The following ANKRD36C variants were observed in gnomAD, a reference collection of about 807,000 sequenced individuals.
ANKRD36C encodes ankyrin repeat domain 36C, also known as ankyrin repeat domain-containing protein 36C.
A neutral mutation model predicts 276.4 loss-of-function variants in ANKRD36C; 61 were observed. That is an observed-to-expected ratio of 0.22 (90% confidence interval 0.18 to 0.27). The LOEUF (loss-of-function observed/expected upper bound fraction) is 0.27, where lower values mean the gene tolerates loss of function less well. Ranked by LOEUF, ANKRD36C falls within the 10% of genes least tolerant of loss-of-function variation. The pLI, the probability that ANKRD36C is intolerant of heterozygous loss-of-function variation, is 1.00. For synonymous variants in ANKRD36C, 483 were observed against 680.1 expected (o/e 0.71, Z 4.51); for missense variants, 1,447 against 2,032.3 (o/e 0.71, Z 5.54).
At chr2:95,915,090 T>G (rs1030997739) in intron 38 of ANKRD36C, among the ~76,000 whole-genome samples, 5 of 151,582 alleles carry the variant, frequency 3.3e-5, no homozygotes, top group African/African-American at 1.2e-4. Flanking sequence ...ATCATTCCAG[T>G]ATTCATTGAA....
chr2:95,986,194 T>C (rs1679022939), intron 3 of ANKRD36C, among the ~76,000 whole-genome samples: 1 of 151,980 alleles, frequency 6.6e-6, no homozygotes, highest in African/African-American at 2.4e-5. Context: ...CACAGTATTT[T>C]CCCTCATTAC....
intron 59 of ANKRD36C, 45 bp downstream of exon 79, chr2:95,876,394 G>A (rs1474107569): frequency 6.8e-7 from 1 of 1,467,694 alleles, no homozygotes; most frequent in East Asian, 2.4e-5. Flanking sequence ...CCAAAGCTAG[G>A]AAAACAAGAT....
Position 95,990,608 on chromosome 2 carries a change from C to T in ANKRD36C, c.197+904G>A, listed in dbSNP as rs184285554. Among the ~76,000 whole-genome samples the T allele has an allele frequency of 2.6e-5, 4 of 152,290 alleles. No individual in the cohort carries two copies. The East Asian group carries it at 7.7e-4, about 29-fold the overall frequency. Reference sequence around the variant, plus strand: ...TTCAAAAATATTAACACTTTGATAACTTTATTTGGATTATGTAAAATTTAT... The same window carrying T: ...TTCAAAAATATTAACACTTTGATAATTTTATTTGGATTATGTAAAATTTAT... On this transcript the variant is annotated intron_variant, in intron 1 of 66. Transcript: ENST00000456556.
intron 59 of ANKRD36C, among the ~76,000 whole-genome samples, chr2:95,873,107 C>A (rs1441385825): frequency 3.3e-5 from 5 of 152,136 alleles, no homozygotes; most frequent in Non-Finnish European, 7.4e-5. Flanking sequence ...AAGTGATACC[C>A]TTCCTTCTGA....
At chr2:95,977,898 A>G (rs1678845917) in intron 6 of ANKRD36C, among the ~76,000 whole-genome samples, 7 of 152,080 alleles carry the variant, frequency 4.6e-5, no homozygotes, top group Admixed American at 4.6e-4. Flanking sequence ...CTAGAATATT[A>G]GGAACCATAA....
rs1304496746 is a variant in ANKRD36C at position 95,893,454 on chromosome 2, C to T, written c.2756-1594G>A. The T allele has an allele frequency of 6.1e-5, 92 of 1,517,042 alleles. 1 individual carries two copies. Among genetic ancestry groups the T allele is most frequent in the Non-Finnish European group, 8.0e-5 (90 of 1,127,690 alleles). The allele number at this position is 1,517,042 out of a possible 1,614,324, so 94.0% of individuals were successfully genotyped here. A position where few individuals can be genotyped will look rare whatever the true frequency, so the allele number is the denominator to read the frequency against. On this transcript the variant is annotated intron_variant, in intron 44 of 66. Transcript: ENST00000456556. ...ATCAGAAAGTGCAGCTTCGACGAGC[C>T]CCCCGCTGATTTATTTGGGGAAGGG...
At position 95,897,524 on chromosome 2, in the gene ANKRD36C, T is replaced by C. The variant is rs572477627; in HGVS notation, c.2755+1621A>G. 2.0e-4 allele frequency: 300 copies of C among 1,512,594 alleles called. 12 individuals carry two copies. Among genetic ancestry groups the C allele is most frequent in the South Asian group, 1.1e-3 (95 of 82,974 alleles). 93.7% of individuals were successfully genotyped at this position (1,512,594 alleles called of 1,614,324 possible). A position where few individuals can be genotyped will look rare whatever the true frequency, so the allele number is the denominator to read the frequency against. On this transcript the variant is annotated intron_variant, in intron 44 of 66. Coordinates refer to ENST00000456556, the Ensembl canonical transcript of ANKRD36C. ...TGTAAAAATGACAAAATTATCCACATATTCATGCAGTGTTAGCATCAACCT... is the reference window on the plus strand; with the variant it reads ...TGTAAAAATGACAAAATTATCCACACATTCATGCAGTGTTAGCATCAACCT...
In ANKRD36C at chr2:95,887,914, T is replaced by C; in HGVS notation, c.3061+11A>G. On this transcript the variant is annotated intron_variant, in intron 50 of 66. Transcript: ENST00000456556. ...ACTGAACATGACATTAAATGTGTTTTGTGAAATTACCTGTTCCAGATTGTT... is the reference window on the plus strand; with the variant it reads ...ACTGAACATGACATTAAATGTGTTTCGTGAAATTACCTGTTCCAGATTGTT... The C allele has an allele frequency of 6.3e-7, 1 of 1,577,078 alleles. No individual in the cohort carries two copies. The highest frequency in any genetic ancestry group is 8.6e-7 in the Non-Finnish European group (1 of 1,160,316).
At chr2:95,894,700 T>G (rs1676485340) in intron 44 of ANKRD36C, among the ~76,000 whole-genome samples, 1 of 151,440 alleles carries the variant, frequency 6.6e-6, no homozygotes. Flanking sequence ...TTTCTATAAC[T>G]AAAATCAACA....
intron 34 of ANKRD36C, 38 bp downstream of exon 34, chr2:95,921,569 G>A: frequency 6.3e-7 from 1 of 1,584,200 alleles, no homozygotes; most frequent in Non-Finnish European, 8.6e-7. Context: ...TTTTCTATCT[G>A]GATTGAACAT....
intron 44 of ANKRD36C, among the ~76,000 whole-genome samples, chr2:95,896,492 T>G (rs1335532562): frequency 6.7e-6 from 1 of 150,142 alleles, no homozygotes; most frequent in East Asian, 2.0e-4. Context: ...ATTAAATAGC[T>G]ATTTTATCCA....
intron 66 of ANKRD36C, among the ~76,000 whole-genome samples, 191 bp from the exon 87 acceptor site, chr2:95,851,386 A>C (rs543477382): frequency 6.6e-6 from 1 of 152,286 alleles, no homozygotes; most frequent in South Asian, 2.1e-4. Context: ...AACATTCCAC[A>C]CCTGACCTCA....
chr2:95,949,493 A>T (rs1678140407), intron 16 of ANKRD36C, among the ~76,000 whole-genome samples: 1 of 152,070 alleles, frequency 6.6e-6, no homozygotes, highest in Non-Finnish European at 1.5e-5. Flanking sequence ...CCCAATCTAC[A>T]TCTTCAAATT....
At chr2:95,972,464 T>C (rs1391727691) in intron 6 of ANKRD36C, among the ~76,000 whole-genome samples, 1 of 152,222 alleles carries the variant, frequency 6.6e-6, no homozygotes, top group Non-Finnish European at 1.5e-5. Flanking sequence ...CGGAAGCTTG[T>C]GCCTGGCTTC....
At chr2:95,963,984 T>TATATATATATATATATATAA (rs1678525693) in intron 6 of ANKRD36C, among the ~76,000 whole-genome samples, 1 of 19,358 alleles carries the variant, frequency 5.2e-5, no homozygotes, top group African/African-American at 3.3e-4. Context: ...TATATATATA[T>TATATATATATATATATATAA]ATATATATAT....
intron 58 of ANKRD36C, among the ~76,000 whole-genome samples, chr2:95,878,536 C>A (rs1676005403): frequency 6.6e-6 from 1 of 152,098 alleles, no homozygotes; most frequent in African/African-American, 2.4e-5. Context: ...TTATTCCCAC[C>A]ACAAATAAAG....
At chr2:95,893,589 T>A (rs1362476458) in intron 44 of ANKRD36C, 1 of 1,574,806 alleles carries the variant, frequency 6.3e-7, no homozygotes, top group Admixed American at 1.8e-5. Context: ...AACAGAATCT[T>A]CCTCGTCACC....
In ANKRD36C at chr2:95,879,328, G is replaced by C. The variant is rs1352945372; in HGVS notation, c.3469+1099C>G. 4.6e-5 allele frequency among the ~76,000 whole-genome samples: 7 copies of C among 152,070 alleles called. No individual in the cohort carries two copies. In the South Asian group the frequency reaches 8.3e-4, roughly 18 times the overall value. On this transcript the variant is annotated intron_variant, in intron 58 of 66. Transcript: ENST00000456556. ...AGGGTGTGGGGGTGGTAGGAAATGA[G>C]GATGCTTAATAAGTACAAACTATAG... is the stretch of plus-strand genomic sequence containing the variant.
At chr2:95,891,931 G>A in intron 44 of ANKRD36C, 71 bp from the exon 65 acceptor site, 1 of 1,544,378 alleles carries the variant, frequency 6.5e-7, no homozygotes, top group African/African-American at 1.4e-5. Context: ...TTCATGCAGT[G>A]TTAGCATCAA....
Sources: gnomAD v4.1 joint callset for allele counts (sites outside exome capture counted in the v4.1 genomes callset) on GRCh38, gnomAD v4.1.1 for gene constraint, MANE v1.5 for transcripts, NCBI Gene and HGNC (gene_info 2026-07-23, HGNC 2026-07-21) for gene names.